Variants in HS6ST2 observed in about 807,000 individuals in gnomAD.
The protein encoded by HS6ST2 is heparan-sulfate 6-O-sulfotransferase 2.
Under a neutral mutation model 33.0 loss-of-function variants are expected in HS6ST2, and 17 were observed. The observed-to-expected ratio is 0.52, with a 90% CI of 0.35 to 0.77. HS6ST2 has a LOEUF of 0.77. HS6ST2 is among the 30% of genes least tolerant of loss of function. HS6ST2 has a pLI of 0.01. For synonymous variants in HS6ST2, 248 were observed against 237.1 expected (o/e 1.05, Z -0.42); for missense variants, 519 against 551.7 (o/e 0.94, Z 0.59).
chrX:132,842,401 G>GC (rs775299400), intron 2 of HS6ST2, among the ~76,000 whole-genome samples: 5 of 112,017 alleles, frequency 4.5e-5, no homozygotes, highest in Admixed American at 9.5e-5. Context: ...CAGCTTGTGC[G>GC]CAAGTACCCC....
Position 132,628,745 on chromosome X carries a change from G to C in HS6ST2, c.1416C>G (p.Gly472=). ...KSNLKHMAFF[G]LTEFQRKTQY... is the part of the protein sequence containing the mutation. ...GGGTCTTCCGCTGAAACTCAGTGAG[G>C]CCGAAGAACGCCATGTGCTTCAGAT... Residue 472 remains glycine, a synonymous_variant, in exon 5 of 5, where the codon GGC becomes GGG. Coordinates refer to ENST00000370833, the MANE Select transcript of HS6ST2 (RefSeq NM_001394073.1). 3 of 1,211,586 alleles carry C rather than the reference G, an allele frequency of 2.5e-6. No individual in the cohort carries two copies. The highest frequency in any genetic ancestry group is 3.4e-6 in the Non-Finnish European group (3 of 895,406).
chrX:132,639,517 T>C (rs1309594407), intron 4 of HS6ST2, among the ~76,000 whole-genome samples: 4 of 111,762 alleles, frequency 3.6e-5, no homozygotes, highest in African/African-American at 1.3e-4. Flanking sequence ...CATGAAGGGA[T>C]ATGATCTGCC....
At chrX:132,688,250 T>C (rs2064034711) in intron 3 of HS6ST2, among the ~76,000 whole-genome samples, 1 of 112,047 alleles carries the variant, frequency 8.9e-6, no homozygotes, top group Non-Finnish European at 1.9e-5. Context: ...AAGAGAGCTA[T>C]GAAAACCCAT....
chrX:132,850,254 T>C (rs1430554210), intron 2 of HS6ST2, among the ~76,000 whole-genome samples: 1 of 112,339 alleles, frequency 8.9e-6, no homozygotes, highest in Non-Finnish European at 1.9e-5. Flanking sequence ...TGTATTATTA[T>C]GTAAATAATG....
rs751647600 is a variant in HS6ST2, at chrX:132,931,195, A to G, written c.947+25613T>C. ...AGCCATGATCTACTCCCTCCCCTTC[A>G]CACAGCAGGACCAGTACAGGTGGGT... On this transcript the variant is annotated intron_variant, in intron 2 of 4. Coordinates refer to ENST00000370833, the MANE Select transcript of HS6ST2 (RefSeq NM_001394073.1). Among the ~76,000 whole-genome samples, 9 of 111,919 alleles carry G rather than the reference A, an allele frequency of 8.0e-5. No homozygotes were observed. The East Asian group carries it at 1.1e-3, about 14-fold the overall frequency.
rs373308939 is a variant in HS6ST2 at position 132,735,948 on chromosome X, T to C, written c.948-27454A>G. Among the ~76,000 whole-genome samples, 12 of 111,545 alleles carry C rather than the reference T, an allele frequency of 1.1e-4. No homozygotes were observed. In the South Asian group the frequency reaches 4.6e-3, roughly 43 times the overall value. ...TCCACCTCCTGGGTTCAAGTGATTG[T>C]CCTGCCTCAGCCTCCTGAGTAGCTG... On this transcript the variant is annotated intron_variant, in intron 2 of 4. Coordinates refer to ENST00000370833, the MANE Select transcript of HS6ST2 (RefSeq NM_001394073.1).
chrX:132,722,171 C>A (rs1602610615), intron 2 of HS6ST2, among the ~76,000 whole-genome samples: 1 of 75,221 alleles, frequency 1.3e-5, no homozygotes. Flanking sequence ...CTGGGAGACA[C>A]AGCGAGACTC....
Position 132,671,098 on chromosome X carries a change from G to A in HS6ST2, c.981-1899C>T, listed in dbSNP as rs138696548. Among the ~76,000 whole-genome samples the A allele has an allele frequency of 3.0e-3, 338 of 112,673 alleles. 2 individuals carry two copies. Among genetic ancestry groups the A allele is most frequent in the Admixed American group, 5.6e-3 (60 of 10,734 alleles). ...TTTGGTGCTGCCTCTATCCGTCCTC[G>A]ATGACTTCCTGGCAAAGGATTCCTT... On this transcript the variant is annotated intron_variant, in intron 3 of 4. Coordinates refer to ENST00000370833, the MANE Select transcript of HS6ST2 (RefSeq NM_001394073.1).
At chrX:132,922,531 T>C (rs1028409829) in intron 2 of HS6ST2, among the ~76,000 whole-genome samples, 6 of 111,684 alleles carry the variant, frequency 5.4e-5, no homozygotes, top group African/African-American at 2.0e-4. Context: ...AGAGTGTCAA[T>C]GAAAAGAGTT....
At chrX:132,651,413 T>G (rs2063691651) in intron 4 of HS6ST2, among the ~76,000 whole-genome samples, 1 of 111,716 alleles carries the variant, frequency 9.0e-6, no homozygotes, top group Admixed American at 9.5e-5. Flanking sequence ...AGAGCCCCAA[T>G]CTGTTTGTGT....
At chrX:132,666,560 A>C (rs1244358264) in intron 4 of HS6ST2, among the ~76,000 whole-genome samples, 1 of 111,468 alleles carries the variant, frequency 9.0e-6, no homozygotes, top group Non-Finnish European at 1.9e-5. Flanking sequence ...TGCCTGTTTC[A>C]TGAGCTTTTG....
intron 3 of HS6ST2, among the ~76,000 whole-genome samples, chrX:132,693,909 C>T (rs1308156226): frequency 2.7e-5 from 3 of 112,130 alleles, no homozygotes; most frequent in Non-Finnish European, 5.6e-5. Flanking sequence ...CACCATGTCA[C>T]CCGTCAATAC....
At chrX:132,801,308 T>A (rs928647865) in intron 2 of HS6ST2, among the ~76,000 whole-genome samples, 1 of 110,705 alleles carries the variant, frequency 9.0e-6, no homozygotes, top group Non-Finnish European at 1.9e-5. Flanking sequence ...AAAAAAAAAA[T>A]TCTATAGTTA....
intron 2 of HS6ST2, among the ~76,000 whole-genome samples, chrX:132,864,257 G>A (rs1030909958): frequency 1.1e-4 from 12 of 109,458 alleles, no homozygotes; most frequent in African/African-American, 3.7e-4. Context: ...TGACATGGAC[G>A]AATTGACAGA....
At chrX:132,892,796 G>T (rs963514416) in intron 2 of HS6ST2, among the ~76,000 whole-genome samples, 4 of 111,710 alleles carry the variant, frequency 3.6e-5, no homozygotes, top group African/African-American at 1.3e-4. Flanking sequence ...TCCAGCCTGG[G>T]TGACAGAGTG....
At chrX:132,674,005 TTTC>T (rs1453484282) in intron 3 of HS6ST2, among the ~76,000 whole-genome samples, 1 of 112,046 alleles carries the variant, frequency 8.9e-6, no homozygotes, top group Non-Finnish European at 1.9e-5. Flanking sequence ...CCTGAGTGGT[TTTC>T]TTTGTTCCAA....
intron 4 of HS6ST2, among the ~76,000 whole-genome samples, chrX:132,642,089 G>T (rs2063605570): frequency 9.0e-6 from 1 of 110,891 alleles, no homozygotes; most frequent in Admixed American, 9.6e-5. Context: ...ATTTCTTTAG[G>T]GACCTCCACA....
In HS6ST2 at chrX:132,911,725, C is replaced by T. The variant is rs753773237; in HGVS notation, c.947+45083G>A. Among the ~76,000 whole-genome samples, 17 of 105,865 alleles carry T rather than the reference C, an allele frequency of 1.6e-4. No individual in the cohort carries two copies. In the South Asian group the frequency reaches 7.0e-3, roughly 43 times the overall value. 91.9% of individuals were successfully genotyped at this position (105,865 alleles called of 115,157 possible). On this transcript the variant is annotated intron_variant, in intron 2 of 4. Coordinates refer to ENST00000370833, the MANE Select transcript of HS6ST2 (RefSeq NM_001394073.1). ...CCATCTCGGCTCACTGCAAGCTCCA[C>T]CTCCCAGGTTCACGCCATTCTCCTG...
At chrX:132,834,216 G>C (rs1215695578) in intron 2 of HS6ST2, among the ~76,000 whole-genome samples, 7 of 111,756 alleles carry the variant, frequency 6.3e-5, no homozygotes, top group Non-Finnish European at 3.8e-5. Context: ...GTGTTTATTA[G>C]AACACTTACT....
Sources: gnomAD v4.1 joint callset for allele counts (sites outside exome capture counted in the v4.1 genomes callset) on GRCh38, gnomAD v4.1.1 for gene constraint, MANE v1.5 for transcripts, NCBI Gene and HGNC (gene_info 2026-07-23, HGNC 2026-07-21) for gene names.